TBCA: variants seen among roughly 807,000 people sequenced by gnomAD.
The protein encoded by TBCA is tubulin folding cofactor A.
In TBCA, 6 loss-of-function variants were observed where a neutral mutation model predicts 15.8. The observed-to-expected ratio is 0.38, with a 90% CI of 0.21 to 0.75. TBCA has a LOEUF of 0.75. Among genes scored for constraint, TBCA ranks in the 30% least tolerant of loss-of-function variants. The pLI is 0.46. For synonymous variants in TBCA, 32 were observed against 42.3 expected (o/e 0.76, Z 0.94); for missense variants, 90 against 131.2 (o/e 0.69, Z 1.53).
chr5:77,709,822 G>A (rs1746234962), intron 1 of TBCA, among the ~76,000 whole-genome samples: 1 of 152,046 alleles, frequency 6.6e-6, no homozygotes, highest in South Asian at 2.1e-4. Flanking sequence ...AGAATATTGG[G>A]CAATAAAAAA....
chr5:77,698,115 G>A (rs1245061524), intron 2 of TBCA, among the ~76,000 whole-genome samples: 4 of 150,322 alleles, frequency 2.7e-5, no homozygotes, highest in Non-Finnish European at 5.9e-5. Context: ...GTGAAACCCT[G>A]TCTCAAAAAA....
At chr5:77,725,190 G>A (rs1403908119) in intron 1 of TBCA, among the ~76,000 whole-genome samples, 3 of 152,142 alleles carry the variant, frequency 2.0e-5, no homozygotes, top group Admixed American at 6.5e-5. Context: ...CCAGCCATTT[G>A]CAATCCAGCT....
chr5:77,773,244 C>T (rs558925929), intron 1 of TBCA, among the ~76,000 whole-genome samples: 2 of 152,258 alleles, frequency 1.3e-5, no homozygotes, highest in East Asian at 1.9e-4. Context: ...ATACTCTTTA[C>T]GGGAGCACTG....
intron 2 of TBCA, among the ~76,000 whole-genome samples, chr5:77,698,181 A>C (rs549459852): frequency 6.6e-5 from 10 of 152,136 alleles, no homozygotes; most frequent in South Asian, 4.1e-4. Flanking sequence ...AAAAAAAAAA[A>C]ACACACTGAT....
intron 2 of TBCA, among the ~76,000 whole-genome samples, chr5:77,701,694 T>TATATATATATATATAC (rs2112429640): frequency 8.0e-6 from 1 of 124,540 alleles, no homozygotes; most frequent in South Asian, 2.7e-4. Context: ...TATATATATA[T>TATATATATATATATAC]ATATATATAT....
intron 1 of TBCA, chr5:77,715,346 C>T: frequency 1.4e-6 from 1 of 699,196 alleles, no homozygotes; most frequent in Admixed American, 2.0e-5. Flanking sequence ...CCAAGGTTAA[C>T]ACTGTGCTAT....
chr5:77,732,269 G>T (rs1746789787), intron 1 of TBCA, among the ~76,000 whole-genome samples: 1 of 151,920 alleles, frequency 6.6e-6, no homozygotes, highest in East Asian at 1.9e-4. Flanking sequence ...TGGGTATCTG[G>T]GTCCTATGAA....
At chr5:77,742,761 T>G (rs548125832) in intron 1 of TBCA, among the ~76,000 whole-genome samples, 25 of 152,340 alleles carry the variant, frequency 1.6e-4, no homozygotes, top group African/African-American at 7.2e-5. Flanking sequence ...TATCCAACAC[T>G]CGATCTCAAT....
intron 1 of TBCA, among the ~76,000 whole-genome samples, chr5:77,731,086 G>C (rs1467168229): frequency 6.6e-6 from 1 of 152,066 alleles, no homozygotes; most frequent in Non-Finnish European, 1.5e-5. Context: ...GTATTTTGAG[G>C]TCACATTTTA....
intron 2 of TBCA, among the ~76,000 whole-genome samples, chr5:77,707,351 A>G (rs1433234992): frequency 6.6e-6 from 1 of 152,166 alleles, no homozygotes; most frequent in East Asian, 1.9e-4. Flanking sequence ...GGGAATAAAG[A>G]AAGTGTTATG....
At chr5:77,756,225 A>T (rs6898910) in intron 1 of TBCA, among the ~76,000 whole-genome samples, 2,345 of 152,192 alleles carry the variant, frequency 0.015, 51 homozygotes, top group African/African-American at 0.054. Context: ...CCTACGTCTC[A>T]ATTTTTCTCT....
chr5:77,712,553 T>G (rs1746303600), intron 1 of TBCA, among the ~76,000 whole-genome samples: 1 of 152,144 alleles, frequency 6.6e-6, no homozygotes, highest in Non-Finnish European at 1.5e-5. Flanking sequence ...AATGTACATA[T>G]GTACATATTT....
chr5:77,767,054 C>T (rs1747795921), intron 1 of TBCA, among the ~76,000 whole-genome samples: 1 of 152,198 alleles, frequency 6.6e-6, no homozygotes, highest in African/African-American at 2.4e-5. Context: ...CAGAACTTAA[C>T]ATTCTAGATT....
At chr5:77,732,131 G>C (rs1746786620) in intron 1 of TBCA, among the ~76,000 whole-genome samples, 1 of 152,106 alleles carries the variant, frequency 6.6e-6, no homozygotes, top group African/African-American at 2.4e-5. Flanking sequence ...AAATGAAAAT[G>C]TCTTCCCAAT....
At chr5:77,713,060 G>A (rs1746319293) in intron 1 of TBCA, among the ~76,000 whole-genome samples, 1 of 152,142 alleles carries the variant, frequency 6.6e-6, no homozygotes, top group Non-Finnish European at 1.5e-5. Flanking sequence ...TTGGGAGGCT[G>A]AGGCAGGAGG....
intron 1 of TBCA, among the ~76,000 whole-genome samples, chr5:77,709,785 A>G (rs1337502526): frequency 6.6e-6 from 1 of 152,214 alleles, no homozygotes; most frequent in Non-Finnish European, 1.5e-5. Flanking sequence ...CCAATAATCA[A>G]TGGAAAATGT....
At chr5:77,692,709 A>G in intron 3 of TBCA, 1 of 989,392 alleles carries the variant, frequency 1.0e-6, no homozygotes, top group Non-Finnish European at 1.2e-6. Flanking sequence ...GTATTTTAAC[A>G]GTTATTATTT....
At chr5:77,760,981 G>A (rs180932568) in intron 1 of TBCA, among the ~76,000 whole-genome samples, 10,710 of 148,422 alleles carry the variant, frequency 0.072, 589 homozygotes, top group African/African-American at 0.14. Flanking sequence ...AGTGAGGAGC[G>A]CCTCTGCCCG....
chr5:77,761,952 G>A (rs191702180), intron 1 of TBCA, among the ~76,000 whole-genome samples: 5 of 152,296 alleles, frequency 3.3e-5, no homozygotes, highest in Admixed American at 2.0e-4. Context: ...AATTTACCCT[G>A]TTTAGATTAG....
Sources: allele counts gnomAD v4.1 joint callset (sites outside exome capture counted in the v4.1 genomes callset), GRCh38; gene constraint gnomAD v4.1.1; transcripts MANE v1.5; gene names NCBI Gene and HGNC (gene_info 2026-07-23, HGNC 2026-07-21).